Variants in CACNA1D observed in about 807,000 individuals in gnomAD.
The protein encoded by CACNA1D is voltage-dependent L-type calcium channel subunit alpha-1D.
CACNA1D carries 55 observed loss-of-function variants against 257.1 expected under a neutral mutation model. That is an observed-to-expected ratio of 0.21 (90% CI 0.17 to 0.27). CACNA1D has a LOEUF of 0.27. CACNA1D is among the 10% of genes least tolerant of loss of function. CACNA1D has a pLI of 1.00. For synonymous variants in CACNA1D, 980 were observed against 1,014.9 expected, an observed-to-expected ratio of 0.97 and a Z score of 0.65; for missense variants, 1,876 against 2,784.0, an observed-to-expected ratio of 0.67 and a Z score of 7.34.
chr3:53,628,929 CTT>C (rs1005752163), intron 3 of CACNA1D, among the ~76,000 whole-genome samples: 4 of 152,212 alleles, frequency 2.6e-5, no homozygotes, highest in African/African-American at 9.6e-5. Context: ...CTAGCATTCT[CTT>C]TTCTTTTTCT....
intron 3 of CACNA1D, among the ~76,000 whole-genome samples, chr3:53,608,135 T>G (rs540605013): frequency 1.3e-5 from 2 of 152,346 alleles, no homozygotes; most frequent in East Asian, 3.9e-4. Flanking sequence ...TGAACATGTA[T>G]ATTTCTCATA....
At chr3:53,561,234 G>A (rs2092732729) in intron 3 of CACNA1D, among the ~76,000 whole-genome samples, 1 of 151,874 alleles carries the variant, frequency 6.6e-6, no homozygotes, top group Non-Finnish European at 1.5e-5. Context: ...CTTTTTTTCT[G>A]TTTTATCTTG....
intron 3 of CACNA1D, among the ~76,000 whole-genome samples, chr3:53,537,518 A>T (rs185207265): frequency 1.9e-4 from 29 of 151,666 alleles, no homozygotes; most frequent in East Asian, 7.7e-4. Context: ...AATAACTTTT[A>T]AAAAACATAA....
intron 8 of CACNA1D, among the ~76,000 whole-genome samples, chr3:53,675,473 T>C (rs939278213): frequency 6.6e-6 from 1 of 152,200 alleles, no homozygotes; most frequent in African/African-American, 2.4e-5. Flanking sequence ...ACGGAGGCCA[T>C]GGAAACCACT....
chr3:53,634,031 C>T (rs1363131319), intron 3 of CACNA1D, among the ~76,000 whole-genome samples: 2 of 152,178 alleles, frequency 1.3e-5, no homozygotes, highest in African/African-American at 2.4e-5. Context: ...GCTGGTTAAG[C>T]TTTCGTGGCC....
chr3:53,670,276 CAGCT>C (rs2072033200), intron 7 of CACNA1D, among the ~76,000 whole-genome samples: 1 of 152,194 alleles, frequency 6.6e-6, no homozygotes, highest in Admixed American at 6.5e-5. Flanking sequence ...GTGTTTTCAG[CAGCT>C]AGAAAAACAG....
Position 53,751,274 on chromosome 3 carries a change from G to C in CACNA1D, c.3517-475G>C, listed in dbSNP as rs1336880271. Among the ~76,000 whole-genome samples the C allele has an allele frequency of 6.6e-6, 1 of 152,232 alleles. No individual in the cohort carries two copies. Among genetic ancestry groups the C allele is most frequent in the Non-Finnish European group, 1.5e-5 (1 of 68,044 alleles). ...CTTGGGGAATGAGCCAGCCCCTCTCGTTCTTGTGAGTTTCTGTGGTTACTT... is the reference window on the plus strand; with the variant it reads ...CTTGGGGAATGAGCCAGCCCCTCTCCTTCTTGTGAGTTTCTGTGGTTACTT... On this transcript the variant is annotated intron_variant, in intron 27 of 47. Coordinates refer to ENST00000350061, the MANE Select transcript of CACNA1D (RefSeq NM_001128840.3). This position sits in a 1 kb window ranked among gnomAD's most constrained non-coding sequence, Gnocchi z 4.3.
intron 8 of CACNA1D, among the ~76,000 whole-genome samples, chr3:53,691,771 T>G (rs2094525014): frequency 8.6e-6 from 1 of 116,038 alleles, no homozygotes; most frequent in East Asian, 2.2e-4. Flanking sequence ...ATATAATATA[T>G]ATATTATATC....
At chr3:53,781,239 A>G (rs912859421) in intron 38 of CACNA1D, among the ~76,000 whole-genome samples, 3 of 152,312 alleles carry the variant, frequency 2.0e-5, no homozygotes, top group East Asian at 3.9e-4. Flanking sequence ...GAAGGCAAAG[A>G]CATTCTGGGT....
intron 3 of CACNA1D, among the ~76,000 whole-genome samples, chr3:53,567,896 TC>T (rs1463243245): frequency 6.6e-6 from 1 of 152,154 alleles, no homozygotes; most frequent in East Asian, 1.9e-4. Context: ...CATCAGGAAT[TC>T]CTAGAGACTG....
At chr3:53,656,110 G>A (rs1390930694) in intron 4 of CACNA1D, among the ~76,000 whole-genome samples, 2 of 151,996 alleles carry the variant, frequency 1.3e-5, no homozygotes, top group Non-Finnish European at 2.9e-5. Flanking sequence ...CTTATTTCTG[G>A]GCTCTCTGCT....
At chr3:53,720,245 T>G (rs932340848) in intron 11 of CACNA1D, among the ~76,000 whole-genome samples, 34 of 152,348 alleles carry the variant, frequency 2.2e-4, no homozygotes, top group African/African-American at 8.2e-4. Flanking sequence ...AACATTTTCC[T>G]ACTATATATA....
At chr3:53,727,084 T>C in intron 15 of CACNA1D, 85 bp downstream of exon 15, 3 of 1,502,680 alleles carry the variant, frequency 2.0e-6, no homozygotes, top group Non-Finnish European at 2.8e-6. Flanking sequence ...GTGGTGATGG[T>C]GGTGGTAGTA....
At chr3:53,734,739 A>G (rs2095041066) in intron 19 of CACNA1D, among the ~76,000 whole-genome samples, 1 of 152,156 alleles carries the variant, frequency 6.6e-6, no homozygotes, top group African/African-American at 2.4e-5. Context: ...TGATGCTCCA[A>G]CCTTCACTTT....
intron 3 of CACNA1D, among the ~76,000 whole-genome samples, chr3:53,534,453 CG>C (rs1209061903): frequency 6.6e-6 from 1 of 152,238 alleles, no homozygotes. Flanking sequence ...GATAGAAAGA[CG>C]GAGTCTGCAT....
At chr3:53,643,249 T>G (rs1002645568) in intron 3 of CACNA1D, among the ~76,000 whole-genome samples, 1 of 152,130 alleles carries the variant, frequency 6.6e-6, no homozygotes, top group Non-Finnish European at 1.5e-5. Flanking sequence ...AAGTGCATAC[T>G]TCATTAATAC....
intron 3 of CACNA1D, among the ~76,000 whole-genome samples, chr3:53,604,031 C>T (rs1428279684): frequency 2.0e-5 from 3 of 152,138 alleles, no homozygotes; most frequent in Non-Finnish European, 4.4e-5. Flanking sequence ...TTAGGTAATG[C>T]GGATGGAGCA....
At chr3:53,515,336 C>T (rs933099767) in intron 3 of CACNA1D, among the ~76,000 whole-genome samples, 1 of 152,134 alleles carries the variant, frequency 6.6e-6, no homozygotes, top group South Asian at 2.1e-4. Context: ...AGGAGCACAA[C>T]GATGTCAGGG....
chr3:53,563,216 C>T (rs1403863433), intron 3 of CACNA1D, among the ~76,000 whole-genome samples: 1 of 152,100 alleles, frequency 6.6e-6, no homozygotes, highest in East Asian at 1.9e-4. Flanking sequence ...ACAGGGATGA[C>T]CACTGTCTAA....
Sources: gnomAD v4.1 joint callset for allele counts (sites outside exome capture counted in the v4.1 genomes callset) on GRCh38, gnomAD v4.1.1 for gene constraint, Gnocchi (gnomAD v3.1) non-coding constraint, MANE v1.5 for transcripts, NCBI Gene and HGNC (gene_info 2026-07-23, HGNC 2026-07-21) for gene names.